The following CHCHD6 variants were observed in gnomAD, a reference collection of about 807,000 sequenced individuals.
The protein encoded by CHCHD6 is coiled-coil-helix-coiled-coil-helix domain containing 6.
A neutral mutation model predicts 32.3 loss-of-function variants in CHCHD6; 28 were observed. The observed-to-expected ratio is 0.87, with a 90% CI of 0.64 to 1.19. The LOEUF (loss-of-function observed/expected upper bound fraction) is 1.19. Ranked by LOEUF, CHCHD6 falls within the 50% of genes most tolerant of loss-of-function variation. The pLI is 0.00. For missense variants in CHCHD6, 333 were observed against 307.0 expected (o/e 1.08, Z -0.63); for synonymous variants, 122 against 117.5 (o/e 1.04, Z -0.25).
rs746340185 is a variant in CHCHD6, at chr3:126,704,295, G to A, written c.-18G>A. ...CGGGTCTCGGGTCTGGTGGCTGCCG[G>A]CCCTGCGGCATCTCGCCATGGGGAG... On this transcript the variant is annotated 5_prime_UTR_variant, in exon 1 of 8. Transcript: ENST00000290913. 2.5e-6 allele frequency: 4 copies of A among 1,597,648 alleles called. No individual in the cohort carries two copies. Among genetic ancestry groups the A allele is most frequent in the Non-Finnish European group, 3.4e-6 (4 of 1,173,460 alleles).
chr3:126,871,245 T>A (rs188712461), intron 5 of CHCHD6, among the ~76,000 whole-genome samples: 2 of 152,332 alleles, frequency 1.3e-5, no homozygotes, highest in Non-Finnish European at 2.9e-5. Flanking sequence ...CTTGTTTCTG[T>A]CACTCCTAAT....
At chr3:126,770,439 C>G (rs551186216) in intron 4 of CHCHD6, among the ~76,000 whole-genome samples, 1 of 152,256 alleles carries the variant, frequency 6.6e-6, no homozygotes, top group East Asian at 1.9e-4. Flanking sequence ...CAGCTTTTGC[C>G]CATACAATAT....
chr3:126,826,742 T>A (rs934675397), intron 4 of CHCHD6, among the ~76,000 whole-genome samples: 1 of 152,202 alleles, frequency 6.6e-6, no homozygotes, highest in Non-Finnish European at 1.5e-5. Context: ...CCTAAACAGA[T>A]GTTTGTCACC....
intron 4 of CHCHD6, among the ~76,000 whole-genome samples, chr3:126,831,495 T>G (rs1940640044): frequency 6.6e-6 from 1 of 152,174 alleles, no homozygotes; most frequent in African/African-American, 2.4e-5. Context: ...GTGGAGACCT[T>G]GTTTCATCTA....
chr3:126,837,703 T>G (rs935300158), intron 4 of CHCHD6, among the ~76,000 whole-genome samples: 1 of 152,242 alleles, frequency 6.6e-6, no homozygotes, highest in Non-Finnish European at 1.5e-5. Flanking sequence ...GCCTGGTTGT[T>G]TCATGAGGTG....
chr3:126,750,974 A>C lies in CHCHD6; in HGVS notation c.411+17752A>C, dbSNP rs542000440. 2.0e-5 allele frequency among the ~76,000 whole-genome samples: 3 copies of C among 152,324 alleles called. No individual in the cohort carries two copies. The East Asian group carries it at 5.8e-4, about 29-fold the overall frequency. On this transcript the variant is annotated intron_variant, in intron 4 of 7. Coordinates refer to ENST00000290913, the MANE Select transcript of CHCHD6 (RefSeq NM_032343.3). ...TGGTGCCCCGTGCTGACCCCAGCACAACATCTTGACCTCTTGAGGATCTGG... is the reference window on the plus strand; with the variant it reads ...TGGTGCCCCGTGCTGACCCCAGCACCACATCTTGACCTCTTGAGGATCTGG...
At chr3:126,923,661 G>T (rs1225388029) in intron 6 of CHCHD6, among the ~76,000 whole-genome samples, 2 of 152,252 alleles carry the variant, frequency 1.3e-5, no homozygotes, top group African/African-American at 4.8e-5. Context: ...GATCTTAGCA[G>T]TGCTACCTGA....
chr3:126,955,950 A>G (rs2078777816), intron 6 of CHCHD6, among the ~76,000 whole-genome samples: 1 of 152,212 alleles, frequency 6.6e-6, no homozygotes, highest in African/African-American at 2.4e-5. Context: ...CCCAGGTGGC[A>G]TCACTGCTAA....
rs564025853 is a variant in CHCHD6, at chr3:126,746,266, C to T, written c.411+13044C>T. On this transcript the variant is annotated intron_variant, in intron 4 of 7. Transcript: ENST00000290913. Reference sequence around the variant, plus strand: ...GAAGGGAGCACCTGCACATCAGCCTCGCACAGCGGGCATGGCCTGGGCAGC... The same window carrying T: ...GAAGGGAGCACCTGCACATCAGCCTTGCACAGCGGGCATGGCCTGGGCAGC... Among the ~76,000 whole-genome samples the T allele has an allele frequency of 8.5e-5, 13 of 152,324 alleles. No homozygotes were observed. In the East Asian group the frequency reaches 1.2e-3, roughly 14 times the overall value.
chr3:126,878,924 C>T (rs769155558), intron 5 of CHCHD6, among the ~76,000 whole-genome samples: 1 of 152,220 alleles, frequency 6.6e-6, no homozygotes, highest in Non-Finnish European at 1.5e-5. Flanking sequence ...CCACAGTCTC[C>T]TGGGCCTCAT....
intron 6 of CHCHD6, among the ~76,000 whole-genome samples, chr3:126,955,546 G>A (rs2078771580): frequency 6.6e-6 from 1 of 152,250 alleles, no homozygotes; most frequent in South Asian, 2.1e-4. Flanking sequence ...GGAAGGGGAA[G>A]GCGTGCTCTC....
intron 6 of CHCHD6, among the ~76,000 whole-genome samples, chr3:126,925,727 C>T (rs1051302021): frequency 2.6e-5 from 4 of 152,218 alleles, no homozygotes; most frequent in Admixed American, 6.5e-5. Context: ...GGAGGCCTTC[C>T]GCCTTTTAAT....
chr3:126,901,013 C>G (rs58371889), intron 5 of CHCHD6, among the ~76,000 whole-genome samples: 11 of 152,124 alleles, frequency 7.2e-5, no homozygotes, highest in Non-Finnish European at 1.0e-4. Context: ...AAACACCCCC[C>G]CCAGGCCCTA....
chr3:126,870,518 G>A (rs1051723804), intron 5 of CHCHD6, among the ~76,000 whole-genome samples: 12 of 152,102 alleles, frequency 7.9e-5, no homozygotes, highest in Admixed American at 7.9e-4. Flanking sequence ...CATCCTTCAC[G>A]TCCTGGTGCC....
chr3:126,934,818 G>A (rs1191727255), intron 6 of CHCHD6, among the ~76,000 whole-genome samples: 2 of 152,212 alleles, frequency 1.3e-5, no homozygotes, highest in Admixed American at 1.3e-4. Context: ...CAGAGTGCTG[G>A]GATTACAGGC....
intron 4 of CHCHD6, among the ~76,000 whole-genome samples, chr3:126,758,539 A>T (rs1311583507): frequency 6.6e-6 from 1 of 152,226 alleles, no homozygotes; most frequent in African/African-American, 2.4e-5. Context: ...AAGTGATTTC[A>T]TGGGATGCAT....
intron 4 of CHCHD6, among the ~76,000 whole-genome samples, chr3:126,748,993 T>C (rs1458852621): frequency 6.6e-6 from 1 of 152,162 alleles, no homozygotes; most frequent in Non-Finnish European, 1.5e-5. Context: ...AGCTAATGCT[T>C]CTCTGAGGAG....
intron 5 of CHCHD6, among the ~76,000 whole-genome samples, chr3:126,888,440 G>A (rs2077707729): frequency 1.3e-5 from 2 of 152,182 alleles, no homozygotes; most frequent in African/African-American, 2.4e-5. Context: ...GCACTTAATT[G>A]TATTTATCCA....
rs369194924 is a variant in CHCHD6 at position 126,922,536 on chromosome 3, A to G, written c.566+7786A>G. 5.3e-5 allele frequency among the ~76,000 whole-genome samples: 8 copies of G among 152,144 alleles called. 1 individual carries two copies. Among genetic ancestry groups the G allele is most frequent in the Admixed American group, 2.6e-4 (4 of 15,282 alleles). On this transcript the variant is annotated intron_variant, in intron 6 of 7. Coordinates refer to ENST00000290913, the MANE Select transcript of CHCHD6 (RefSeq NM_032343.3). ...ATACGTATCTCTCAGAATGTACAGG[A>G]TGGGGGCATTCAGCTGCTTGCTGCT...
Sources: gnomAD v4.1 joint callset for allele counts (sites outside exome capture counted in the v4.1 genomes callset) on GRCh38, gnomAD v4.1.1 for gene constraint, MANE v1.5 for transcripts, NCBI Gene and HGNC (gene_info 2026-07-23, HGNC 2026-07-21) for gene names.